The following KLHL1 variants were observed in gnomAD, a reference collection of about 807,000 sequenced individuals.
The protein encoded by KLHL1 is kelch-like protein 1.
Under a neutral mutation model 77.7 loss-of-function variants are expected in KLHL1, and 47 were observed. The ratio of observed to expected loss-of-function variants is 0.60; its 90% CI spans 0.48 to 0.77. The LOEUF is 0.77. KLHL1 is among the 30% of genes least tolerant of loss of function. KLHL1 has a pLI of 0.00. For missense variants in KLHL1, 925 were observed against 910.8 expected (o/e 1.02, Z -0.20); for synonymous variants, 360 against 325.2 (o/e 1.11, Z -1.15).
chr13:69,987,035 A>G (rs1391049022), intron 1 of KLHL1, among the ~76,000 whole-genome samples: 1 of 151,968 alleles, frequency 6.6e-6, no homozygotes, highest in South Asian at 2.1e-4. Flanking sequence ...TTATACATAT[A>G]TAGCTGTACA....
chr13:69,899,328 G>A (rs1881772965), intron 4 of KLHL1, among the ~76,000 whole-genome samples: 1 of 152,086 alleles, frequency 6.6e-6, no homozygotes, highest in Non-Finnish European at 1.5e-5. Context: ...AAGTATACAT[G>A]GGGATAAGAA....
intron 6 of KLHL1, among the ~76,000 whole-genome samples, chr13:69,827,937 T>C (rs1878613962): frequency 7.2e-6 from 1 of 139,084 alleles, no homozygotes; most frequent in South Asian, 2.1e-4. Context: ...CAAGATAAGT[T>C]TGTTGTTGGA....
At chr13:69,926,968 A>AAAAAAT in intron 4 of KLHL1, among the ~76,000 whole-genome samples, 1 of 149,960 alleles carries the variant, frequency 6.7e-6, no homozygotes, top group Non-Finnish European at 1.5e-5. Flanking sequence ...AAAAAAAAAA[A>AAAAAAT]AAGCAGAGAA....
At chr13:70,083,597 CAG>C (rs1264281989) in intron 1 of KLHL1, among the ~76,000 whole-genome samples, 3 of 152,194 alleles carry the variant, frequency 2.0e-5, no homozygotes, top group East Asian at 3.9e-4. Context: ...AGATATCAAA[CAG>C]GGTATATGCT....
intron 4 of KLHL1, among the ~76,000 whole-genome samples, chr13:69,886,823 T>C (rs1230307392): frequency 6.6e-6 from 1 of 152,176 alleles, no homozygotes; most frequent in African/African-American, 2.4e-5. Context: ...TGACCATTAG[T>C]CAATTACAGT....
At chr13:70,030,887 C>CACAAT (rs1886080123) in intron 1 of KLHL1, among the ~76,000 whole-genome samples, 1 of 151,996 alleles carries the variant, frequency 6.6e-6, no homozygotes, top group Non-Finnish European at 1.5e-5. Context: ...ATCAAATAGA[C>CACAAT]ACAATAAAAA....
At chr13:69,969,729 T>G (rs1884323410) in intron 2 of KLHL1, among the ~76,000 whole-genome samples, 1 of 152,114 alleles carries the variant, frequency 6.6e-6, no homozygotes, top group Non-Finnish European at 1.5e-5. Flanking sequence ...TATACTGCAT[T>G]TAGATTTGGT....
chr13:70,099,659 C>T (rs1337900370), intron 1 of KLHL1, among the ~76,000 whole-genome samples: 1 of 151,878 alleles, frequency 6.6e-6, no homozygotes, highest in East Asian at 1.9e-4. Flanking sequence ...TTATAATAAA[C>T]ATTAAAAAGA....
chr13:69,830,418 C>A (rs1878716489), intron 6 of KLHL1, among the ~76,000 whole-genome samples: 1 of 150,158 alleles, frequency 6.7e-6, no homozygotes, highest in South Asian at 2.1e-4. Context: ...AATATACATG[C>A]ACTTAACACT....
intron 1 of KLHL1, among the ~76,000 whole-genome samples, chr13:70,013,159 C>T (rs1400422067): frequency 6.6e-6 from 1 of 151,820 alleles, no homozygotes; most frequent in Non-Finnish European, 1.5e-5. Context: ...TGAATAGAAA[C>T]TCACATGATA....
At chr13:70,071,845 T>A (rs189268381) in intron 1 of KLHL1, among the ~76,000 whole-genome samples, 1 of 151,898 alleles carries the variant, frequency 6.6e-6, no homozygotes, top group Non-Finnish European at 1.5e-5. Flanking sequence ...TACAGCAAAA[T>A]TGGAAGTATG....
chr13:70,008,695 A>G (rs1885461649), intron 1 of KLHL1, among the ~76,000 whole-genome samples: 2 of 152,142 alleles, frequency 1.3e-5, no homozygotes, highest in African/African-American at 2.4e-5. Context: ...TGCTGAAAAC[A>G]ATTGATCATT....
intron 5 of KLHL1, among the ~76,000 whole-genome samples, chr13:69,869,045 C>T (rs576450635): frequency 6.4e-4 from 97 of 151,938 alleles, no homozygotes; most frequent in African/African-American, 2.0e-3. Context: ...AGGAAGCTAA[C>T]GGCAGCTAGA....
intron 4 of KLHL1, among the ~76,000 whole-genome samples, chr13:69,937,489 C>T (rs1261224578): frequency 6.6e-6 from 1 of 152,034 alleles, no homozygotes; most frequent in African/African-American, 2.4e-5. Flanking sequence ...CTCTCTACTG[C>T]TTTTAAAATG....
At position 69,961,335 on chromosome 13, in the gene KLHL1, A is replaced by G. The variant is rs1211749412; in HGVS notation, c.790T>C (p.Trp264Arg). Residue 264 changes from tryptophan to arginine, a missense_variant, in exon 3 of 11, where the codon TGG becomes CGG. By Grantham distance (101) the Trp-to-Arg change is moderately radical. Coordinates refer to ENST00000377844, the MANE Select transcript of KLHL1 (RefSeq NM_020866.3). ...KMEGIDPNAL[W>R]DLVQFAYTGC... The stretch of plus-strand genomic sequence containing the variant: ...GTATATGCAAATTGGACAAGGTCCC[A>G]GAGAGCATTGGGGTCTATGCCTTCC... The G allele has an allele frequency of 6.2e-7, 1 of 1,612,800 alleles. No homozygotes were observed. The highest frequency in any genetic ancestry group is 8.5e-7 in the Non-Finnish European group (1 of 1,179,136).
intron 7 of KLHL1, among the ~76,000 whole-genome samples, chr13:69,761,383 C>T (rs537716584): frequency 1.3e-5 from 2 of 152,232 alleles, no homozygotes; most frequent in South Asian, 2.1e-4. Context: ...CAAAAATAGG[C>T]TACAGCCTGT....
chr13:70,001,079 G>T (rs1042536310), intron 1 of KLHL1, among the ~76,000 whole-genome samples: 3 of 151,122 alleles, frequency 2.0e-5, no homozygotes, highest in Non-Finnish European at 4.4e-5. Flanking sequence ...ATGATTTGTT[G>T]TGTAAATAAT....
In KLHL1 at chr13:70,067,866, T is replaced by G. The variant is rs142033056; in HGVS notation, c.497+39337A>C. ...AATATGACAACCAGTGGAGCAAAATTTTACCCAAACATAGAAGGATGTATT... is the reference window on the plus strand; with the variant it reads ...AATATGACAACCAGTGGAGCAAAATGTTACCCAAACATAGAAGGATGTATT... On this transcript the variant is annotated intron_variant, in intron 1 of 10. Coordinates refer to ENST00000377844, the MANE Select transcript of KLHL1 (RefSeq NM_020866.3). Among the ~76,000 whole-genome samples the G allele has an allele frequency of 4.3e-3, 653 of 152,046 alleles. 4 individuals carry two copies. The highest frequency in any genetic ancestry group is 0.015 in the African/African-American group (628 of 41,462).
intron 1 of KLHL1, among the ~76,000 whole-genome samples, chr13:70,101,337 A>G (rs530075106): frequency 6.6e-6 from 1 of 152,204 alleles, no homozygotes; most frequent in East Asian, 1.9e-4. Context: ...ATATATAAGT[A>G]CATCGTAGTA....
Sources: allele counts gnomAD v4.1 joint callset (sites outside exome capture counted in the v4.1 genomes callset), GRCh38; gene constraint gnomAD v4.1.1; transcripts MANE v1.5; gene names NCBI Gene and HGNC (gene_info 2026-07-23, HGNC 2026-07-21).